CCDC146: variants seen among roughly 807,000 people sequenced by gnomAD.
CCDC146 encodes the protein coiled-coil domain-containing protein 146.
A neutral mutation model predicts 119.3 loss-of-function variants in CCDC146; 92 were observed. That is an observed-to-expected ratio of 0.77 (90% CI 0.65 to 0.92). The LOEUF (loss-of-function observed/expected upper bound fraction) is 0.92. CCDC146 is among the 40% of genes least tolerant of loss of function. CCDC146 has a pLI of 0.00. For synonymous variants in CCDC146, 372 were observed against 371.8 expected, an observed-to-expected ratio of 1.00 and a Z score of -0.01; for missense variants, 1,000 against 1,103.0, an observed-to-expected ratio of 0.91 and a Z score of 1.32.
At chr7:77,221,552 C>G (rs12535493) in intron 2 of CCDC146, among the ~76,000 whole-genome samples, 84,676 of 151,994 alleles carry the variant, frequency 0.56, 26,109 homozygotes, top group Non-Finnish European at 0.7. Flanking sequence ...GTGATATGCT[C>G]AACCCTTCAT....
intron 2 of CCDC146, among the ~76,000 whole-genome samples, chr7:77,232,961 G>A (rs1045418842): frequency 6.6e-6 from 1 of 152,160 alleles, no homozygotes; most frequent in Non-Finnish European, 1.5e-5. Flanking sequence ...TTCTTGCTGA[G>A]CTTCAGTAGA....
chr7:77,166,193 AT>A (rs1791335873), intron 1 of CCDC146, among the ~76,000 whole-genome samples: 1 of 152,242 alleles, frequency 6.6e-6, no homozygotes, highest in African/African-American at 2.4e-5. Context: ...ATTAAAATGA[AT>A]ATTGAATAAA....
rs955619051 is a variant in CCDC146 at position 77,292,394 on chromosome 7, T to A, written c.2416-558T>A. Among the ~76,000 whole-genome samples, 56 of 149,390 alleles carry A rather than the reference T, an allele frequency of 3.7e-4. 1 individual carries two copies. Among genetic ancestry groups the A allele is most frequent in the Non-Finnish European group, 1.6e-4 (11 of 67,624 alleles). ...ACTTAGGGAGGCTGAGGCAGGCGGA[T>A]CACGAGGTCAGGAGATCAAGACCAT... On this transcript the variant is annotated intron_variant, in intron 17 of 18. Coordinates refer to ENST00000285871, the MANE Select transcript of CCDC146 (RefSeq NM_020879.3).
At chr7:77,282,480 G>A (rs1793781720) in intron 14 of CCDC146, 77 bp from the exon 15 acceptor site, 1 of 944,268 alleles carries the variant, frequency 1.1e-6, no homozygotes. Context: ...TGCATCCAAA[G>A]CCAGAGGGAA....
chr7:77,169,696 T>C (rs1234793653), intron 2 of CCDC146, among the ~76,000 whole-genome samples: 5 of 152,214 alleles, frequency 3.3e-5, no homozygotes, highest in Admixed American at 2.0e-4. Context: ...TCAGGTAGGC[T>C]CACTTGTCCT....
Position 77,260,174 on chromosome 7 carries a change from T to C in CCDC146, c.924T>C (p.His308=). The change falls in exon 8 of 19, where the codon CAT becomes CAC. Residue 308 remains histidine, a synonymous_variant. Coordinates refer to ENST00000285871, the MANE Select transcript of CCDC146 (RefSeq NM_020879.3). The part of the protein sequence containing the change: ...RALLEIKERE[H]NQLVKLLELA... ...TACTTGAAATCAAAGAACGAGAACATAACCAATTGGTCAAGCTATTGGAAT... is the reference window on the plus strand; with the variant it reads ...TACTTGAAATCAAAGAACGAGAACACAACCAATTGGTCAAGCTATTGGAAT... The C allele has an allele frequency of 6.2e-7, 1 of 1,613,976 alleles. No homozygotes were observed. The highest frequency in any genetic ancestry group is 8.5e-7 in the Non-Finnish European group (1 of 1,179,992).
intron 2 of CCDC146, among the ~76,000 whole-genome samples, chr7:77,219,352 C>A (rs1238269778): frequency 6.7e-6 from 1 of 149,384 alleles, no homozygotes; most frequent in South Asian, 2.1e-4. Context: ...ATGTATGGTT[C>A]TATCTGCTTT....
In CCDC146 at chr7:77,142,408, GCCATGTGTACATGTATACATGT is replaced by G. The variant is rs1476338585; in HGVS notation, c.-12+19677_-12+19698del. Reference sequence around the variant, plus strand: ...AGGTTTGTTACATATGTATACATGTGCCATGTGTACATGTATACATGTGCCATGTGTACATGTATACATGTGT... The same window carrying G: ...AGGTTTGTTACATATGTATACATGTGGCCATGTGTACATGTATACATGTGT... On this transcript the variant is annotated intron_variant, in intron 1 of 18. Transcript: ENST00000285871. Among the ~76,000 whole-genome samples the G allele has an allele frequency of 1.8e-3, 262 of 149,544 alleles. 1 individual carries two copies. Among genetic ancestry groups the G allele is most frequent in the African/African-American group, 6.2e-3 (253 of 41,070 alleles).
chr7:77,180,139 GTA>G (rs1331825577), intron 2 of CCDC146, among the ~76,000 whole-genome samples: 7 of 133,152 alleles, frequency 5.3e-5, no homozygotes, highest in Middle Eastern at 3.5e-3. Flanking sequence ...CCATATGTAT[GTA>G]CCATATATAT....
chr7:77,126,840 GAGTCCCCAAA>G (rs1313359141), intron 1 of CCDC146, among the ~76,000 whole-genome samples: 1 of 152,102 alleles, frequency 6.6e-6, no homozygotes, highest in Non-Finnish European at 1.5e-5. Flanking sequence ...GAGGCCCCAT[GAGTCCCCAAA>G]CTGGTATGCA....
intron 3 of CCDC146, among the ~76,000 whole-genome samples, chr7:77,237,896 G>A (rs1260464860): frequency 6.6e-6 from 1 of 151,954 alleles, no homozygotes; most frequent in Non-Finnish European, 1.5e-5. Flanking sequence ...CTTGTCTCAG[G>A]GCCTTGCATT....
Position 77,294,915 on chromosome 7 carries a change from T to G in CCDC146, c.*49T>G, listed in dbSNP as rs1349922810. 6.7e-7 allele frequency: 1 copy of G among 1,483,260 alleles called. No individual in the cohort carries two copies. Among genetic ancestry groups the G allele is most frequent in the Non-Finnish European group, 9.3e-7 (1 of 1,075,888 alleles). 91.9% of individuals were successfully genotyped at this position (1,483,260 alleles called of 1,614,324 possible). A position where few individuals can be genotyped will look rare whatever the true frequency, so the allele number is the denominator to read the frequency against. On this transcript the variant is annotated 3_prime_UTR_variant, in exon 19 of 19. Transcript: ENST00000285871. ...TCAAGGAAAAGACTTCAACCAGGCT[T>G]CCTTGTACCCACAGGTGAAAAATGT...
chr7:77,272,592 C>A (rs1793545991), intron 9 of CCDC146, among the ~76,000 whole-genome samples: 1 of 152,148 alleles, frequency 6.6e-6, no homozygotes, highest in Non-Finnish European at 1.5e-5. Context: ...GAGTCATGAG[C>A]TTTTGGTGTA....
At chr7:77,235,404 T>G (rs982990847) in intron 2 of CCDC146, among the ~76,000 whole-genome samples, 1 of 151,322 alleles carries the variant, frequency 6.6e-6, no homozygotes, top group African/African-American at 2.4e-5. Context: ...AGACTTGGAG[T>G]GAAGTAGGGG....
chr7:77,140,989 A>G (rs1411685449), intron 1 of CCDC146, among the ~76,000 whole-genome samples: 2 of 151,918 alleles, frequency 1.3e-5, no homozygotes, highest in Non-Finnish European at 2.9e-5. Flanking sequence ...TTACATAACT[A>G]TACACTTGCC....
At chr7:77,230,191 C>T (rs1056988836) in intron 2 of CCDC146, among the ~76,000 whole-genome samples, 3 of 152,046 alleles carry the variant, frequency 2.0e-5, no homozygotes, top group Non-Finnish European at 2.9e-5. Context: ...GTCCATTTGT[C>T]AATTGATGGA....
At chr7:77,224,613 C>G (rs1429812809) in intron 2 of CCDC146, among the ~76,000 whole-genome samples, 2 of 152,158 alleles carry the variant, frequency 1.3e-5, no homozygotes, top group Non-Finnish European at 2.9e-5. Flanking sequence ...CTACCTACCA[C>G]AGGAATTGTA....
chr7:77,140,971 C>T (rs1790924124), intron 1 of CCDC146, among the ~76,000 whole-genome samples: 2 of 151,814 alleles, frequency 1.3e-5, no homozygotes, highest in Admixed American at 1.3e-4. Context: ...GCAGAATGTG[C>T]AGGTTTGTTA....
chr7:77,207,646 G>A (rs1408322879), intron 2 of CCDC146, among the ~76,000 whole-genome samples: 1 of 152,106 alleles, frequency 6.6e-6, no homozygotes, highest in Non-Finnish European at 1.5e-5. Flanking sequence ...GCCTTAGGGT[G>A]GTAGTCATTG....
Sources: gnomAD v4.1 joint callset for allele counts (sites outside exome capture counted in the v4.1 genomes callset) on GRCh38, gnomAD v4.1.1 for gene constraint, MANE v1.5 for transcripts, NCBI Gene and HGNC (gene_info 2026-07-23, HGNC 2026-07-21) for gene names.